The following MMP16 variants were observed in gnomAD, a reference collection of about 807,000 sequenced individuals.
MMP16 encodes the protein matrix metallopeptidase 16, also known as matrix metalloproteinase-16.
In MMP16, 12 loss-of-function variants were observed where a neutral mutation model predicts 67.8. That is an observed-to-expected ratio of 0.18 (90% confidence interval 0.11 to 0.29). The LOEUF is 0.29. Ranked by LOEUF, MMP16 falls within the 10% of genes least tolerant of loss-of-function variation. MMP16 has a pLI of 1.00. For synonymous variants in MMP16, 249 were observed against 255.9 expected (o/e 0.97, Z 0.26); for missense variants, 475 against 765.7 (o/e 0.62, Z 4.48).
chr8:88,053,120 C>T (rs1275365362), intron 8 of MMP16, among the ~76,000 whole-genome samples: 1 of 152,114 alleles, frequency 6.6e-6, no homozygotes, highest in East Asian at 1.9e-4. Flanking sequence ...GTGCAGAAAT[C>T]TTAAGGAAGC....
At chr8:88,276,328 A>AT (rs1473873819) in intron 1 of MMP16, among the ~76,000 whole-genome samples, 1 of 152,134 alleles carries the variant, frequency 6.6e-6, no homozygotes, top group South Asian at 2.1e-4. Context: ...ACGTGTTTTA[A>AT]TATTCTGCCA....
intron 6 of MMP16, among the ~76,000 whole-genome samples, chr8:88,094,048 G>A (rs1808984180): frequency 6.6e-6 from 1 of 151,804 alleles, no homozygotes; most frequent in African/African-American, 2.4e-5. Context: ...TTAGACCAAG[G>A]CAGAGTGTAT....
chr8:88,115,020 T>G (rs575818151), intron 6 of MMP16, among the ~76,000 whole-genome samples: 1 of 151,984 alleles, frequency 6.6e-6, no homozygotes, highest in South Asian at 2.1e-4. Context: ...TCACTAGATA[T>G]GAAGACACCA....
chr8:88,263,268 T>C (rs1336423602), intron 1 of MMP16, among the ~76,000 whole-genome samples: 1 of 152,136 alleles, frequency 6.6e-6, no homozygotes, highest in Non-Finnish European at 1.5e-5. Flanking sequence ...AATTTTTTCT[T>C]CCCTTTTTAG....
chr8:88,171,200 T>C (rs1318056106), intron 3 of MMP16, among the ~76,000 whole-genome samples: 1 of 152,182 alleles, frequency 6.6e-6, no homozygotes, highest in Non-Finnish European at 1.5e-5. Context: ...TTCAAAGCTA[T>C]GTACTGATTA....
chr8:88,322,654 T>C (rs2130231535), intron 1 of MMP16, among the ~76,000 whole-genome samples: 1 of 151,288 alleles, frequency 6.6e-6, no homozygotes, highest in Admixed American at 6.6e-5. Context: ...CATAGTGAGA[T>C]CTTGTCTCAA....
chr8:88,066,626 ATCTACACTCTCAC>A (rs143898949), intron 7 of MMP16, among the ~76,000 whole-genome samples: 2,042 of 152,182 alleles, frequency 0.013, 35 homozygotes, highest in African/African-American at 0.047. Flanking sequence ...GGGTTTGTAC[ATCTACACTCTCAC>A]TCAACAGCAA....
At chr8:88,122,871 A>G (rs142264734) in intron 4 of MMP16, among the ~76,000 whole-genome samples, 2 of 151,660 alleles carry the variant, frequency 1.3e-5, no homozygotes, top group East Asian at 2.0e-4. Flanking sequence ...CGATACATCC[A>G]TGACTTCCAT....
At chr8:88,062,559 A>G (rs544193755) in intron 7 of MMP16, among the ~76,000 whole-genome samples, 2 of 152,228 alleles carry the variant, frequency 1.3e-5, no homozygotes, top group East Asian at 3.9e-4. Context: ...TCGCAAGGAC[A>G]AAAAACCAAA....
chr8:88,146,564 GTTGT>G (rs1427815761), intron 4 of MMP16, among the ~76,000 whole-genome samples: 2 of 151,828 alleles, frequency 1.3e-5, no homozygotes, highest in East Asian at 3.9e-4. Flanking sequence ...TTCACTCATT[GTTGT>G]TTGTAAAATT....
At chr8:88,188,229 G>A (rs1361185340) in intron 2 of MMP16, among the ~76,000 whole-genome samples, 1 of 152,082 alleles carries the variant, frequency 6.6e-6, no homozygotes, top group Non-Finnish European at 1.5e-5. Flanking sequence ...TTGTATTAAT[G>A]GTGTGCCTAC....
At chr8:88,253,784 T>C (rs953732455) in intron 1 of MMP16, among the ~76,000 whole-genome samples, 1 of 152,086 alleles carries the variant, frequency 6.6e-6, no homozygotes, top group African/African-American at 2.4e-5. Flanking sequence ...TTTTCTCACC[T>C]ACAAACTAGC....
rs1166105108 is a variant in MMP16 at position 88,164,727 on chromosome 8, G to A, written c.709+2942C>T. Among the ~76,000 whole-genome samples, 4 of 151,762 alleles carry A rather than the reference G, an allele frequency of 2.6e-5. No homozygotes were observed. In the Admixed American group the frequency reaches 2.6e-4, roughly 10 times the overall value. ...ATAAAAACTCAAATATTAAACAATTGTTTTGTTTAGATTTTTTGGTCATTC... is the reference window on the plus strand; with the variant it reads ...ATAAAAACTCAAATATTAAACAATTATTTTGTTTAGATTTTTTGGTCATTC... On this transcript the variant is annotated intron_variant, in intron 4 of 9. Transcript: ENST00000286614.
intron 4 of MMP16, among the ~76,000 whole-genome samples, chr8:88,142,886 T>C (rs1808235126): frequency 6.6e-6 from 1 of 152,214 alleles, no homozygotes; most frequent in Admixed American, 6.5e-5. Context: ...TTCTCGATTG[T>C]TCTATTGTCA....
Position 88,162,095 on chromosome 8 carries a change from T to G in MMP16, c.709+5574A>C, listed in dbSNP as rs940094343. On this transcript the variant is annotated intron_variant, in intron 4 of 9. Coordinates refer to ENST00000286614, the MANE Select transcript of MMP16 (RefSeq NM_005941.5). The stretch of plus-strand genomic sequence containing the variant: ...TAATGTTCATGATCCATTTATATGT[T>G]TTTGTAATACTAACATAGTGACATA... Among the ~76,000 whole-genome samples the G allele has an allele frequency of 8.6e-5, 13 of 152,044 alleles. No homozygotes were observed. The East Asian group carries it at 1.5e-3, about 18-fold the overall frequency.
At chr8:88,243,386 G>A (rs1399257457) in intron 1 of MMP16, among the ~76,000 whole-genome samples, 1 of 152,168 alleles carries the variant, frequency 6.6e-6, no homozygotes, top group East Asian at 1.9e-4. Context: ...GAATGTTGAT[G>A]CACCAGGCAA....
At chr8:88,200,275 T>C (rs892279411) in intron 1 of MMP16, among the ~76,000 whole-genome samples, 9 of 152,024 alleles carry the variant, frequency 5.9e-5, no homozygotes, top group African/African-American at 2.2e-4. Context: ...ATTTTTGTTA[T>C]GTTTTCTTCA....
rs1292866970 is a variant in MMP16 at position 88,034,380 on chromosome 8, T to C, written c.*7081A>G. ...AACAGAAGGCAAACAAATAACGATC[T>C]TAGAATTGGAGGAGCAGAAAAACCA... On this transcript the variant is annotated 3_prime_UTR_variant, in exon 10 of 10. Coordinates refer to ENST00000286614, the MANE Select transcript of MMP16 (RefSeq NM_005941.5). 1 of 152,362 alleles carries C rather than the reference T, an allele frequency of 6.6e-6. No individual in the cohort carries two copies. The highest frequency in any genetic ancestry group is 1.5e-5 in the Non-Finnish European group (1 of 67,928). The allele number at this position is 152,362 out of a possible 1,614,324, so 9.4% of individuals were successfully genotyped here.
intron 2 of MMP16, among the ~76,000 whole-genome samples, chr8:88,190,698 C>T (rs1260125553): frequency 1.3e-5 from 2 of 152,236 alleles, no homozygotes; most frequent in South Asian, 4.2e-4. Flanking sequence ...TCTATATCCA[C>T]ATACAAAGTT....
Sources: gnomAD v4.1 joint callset for allele counts (sites outside exome capture counted in the v4.1 genomes callset) on GRCh38, gnomAD v4.1.1 for gene constraint, MANE v1.5 for transcripts, NCBI Gene and HGNC (gene_info 2026-07-23, HGNC 2026-07-21) for gene names.